PRELID2: variants seen among roughly 807,000 people sequenced by gnomAD.
The protein encoded by PRELID2 is PRELI domain containing 2, also known as PRELI domain-containing protein 2.
A neutral mutation model predicts 28.4 loss-of-function variants in PRELID2; 25 were observed. That is an observed-to-expected ratio of 0.88 (90% CI 0.64 to 1.23). PRELID2 has a LOEUF of 1.23. Among genes scored for constraint, PRELID2 ranks in the 50% most tolerant of loss-of-function variants. The probability of loss-of-function intolerance (pLI) is 0.00; values close to 1 mark genes in which losing one functional copy is unlikely to be tolerated. For synonymous variants in PRELID2, 76 were observed against 71.6 expected, an observed-to-expected ratio of 1.06 and a Z score of -0.31; for missense variants, 201 against 214.4, an observed-to-expected ratio of 0.94 and a Z score of 0.39.
chr5:145,790,110 A>G (rs1413693521), intron 5 of PRELID2, among the ~76,000 whole-genome samples: 1 of 152,218 alleles, frequency 6.6e-6, no homozygotes, highest in Non-Finnish European at 1.5e-5. Context: ...AACACAAAAT[A>G]GAACTACCAT....
intron 1 of PRELID2, among the ~76,000 whole-genome samples, chr5:145,581,513 TC>T (rs1200214489): frequency 6.6e-6 from 1 of 152,082 alleles, no homozygotes; most frequent in Admixed American, 6.6e-5. Flanking sequence ...ATTCTGTGAC[TC>T]CTTTTTTGCA....
intron 1 of PRELID2, among the ~76,000 whole-genome samples, chr5:145,637,810 CTTTT>C (rs547110066): frequency 1.5e-5 from 2 of 130,732 alleles, no homozygotes; most frequent in Non-Finnish European, 1.6e-5. Context: ...CAAAACCATT[CTTTT>C]TTTTTTTTTT....
At chr5:145,508,073 G>A (rs1752427130) in intron 1 of PRELID2, among the ~76,000 whole-genome samples, 1 of 152,098 alleles carries the variant, frequency 6.6e-6, no homozygotes. Flanking sequence ...AAATTTAGTA[G>A]TTTAATAATG....
At chr5:145,685,626 T>C (rs1755023867) in intron 1 of PRELID2, among the ~76,000 whole-genome samples, 2 of 152,098 alleles carry the variant, frequency 1.3e-5, no homozygotes, top group Non-Finnish European at 2.9e-5. Flanking sequence ...TATAAAACAT[T>C]GTCTATGAGT....
intron 1 of PRELID2, among the ~76,000 whole-genome samples, chr5:145,506,235 G>A (rs1308614533): frequency 1.3e-5 from 2 of 152,114 alleles, no homozygotes; most frequent in East Asian, 3.9e-4. Flanking sequence ...GCTTCCATCA[G>A]AATGGCTTTC....
At chr5:145,391,857 C>T in the PRELID2 span, among the ~76,000 whole-genome samples, 1 of 152,130 alleles carries the variant, frequency 6.6e-6, no homozygotes, top group African/African-American at 2.4e-5. Flanking sequence ...TGCCACCAGT[C>T]TCTTTGCTAA....
intron 1 of PRELID2, among the ~76,000 whole-genome samples, chr5:145,684,924 T>C (rs1364944789): frequency 2.0e-5 from 3 of 152,184 alleles, no homozygotes; most frequent in Non-Finnish European, 2.9e-5. Flanking sequence ...GAAGGAGGCT[T>C]CAAAGTCCAG....
intron 1 of PRELID2, among the ~76,000 whole-genome samples, chr5:145,543,983 G>T (rs1312814396): frequency 5.3e-5 from 8 of 152,050 alleles, no homozygotes; most frequent in Admixed American, 4.6e-4. Flanking sequence ...GTGACAGTGA[G>T]ATCGACTCCA....
At chr5:145,744,166 C>G (rs550355150) in intron 1 of PRELID2, among the ~76,000 whole-genome samples, 1 of 152,214 alleles carries the variant, frequency 6.6e-6, no homozygotes, top group Non-Finnish European at 1.5e-5. Flanking sequence ...AGGGACAGAA[C>G]CCAGATCTCC....
chr5:145,818,085 A>G (rs1168879741), intron 3 of PRELID2, 31 bp from the exon 4 acceptor site: 1 of 1,604,670 alleles, frequency 6.2e-7, no homozygotes, highest in Non-Finnish European at 8.5e-7. Context: ...GGCTTTTTCA[A>G]TTTAGGAAGA....
chr5:145,504,237 C>T (rs1299096184), intron 1 of PRELID2, among the ~76,000 whole-genome samples: 1 of 152,180 alleles, frequency 6.6e-6, no homozygotes, highest in Non-Finnish European at 1.5e-5. Context: ...CTTAACCTCA[C>T]CAAACCCCAG....
In PRELID2 at chr5:145,729,713, G is replaced by T. The variant is rs367956392; in HGVS notation, n.70+35218C>A. 4.6e-4 allele frequency among the ~76,000 whole-genome samples: 70 copies of T among 152,258 alleles called. 1 individual carries two copies. The East Asian group carries it at 5.6e-3, about 12-fold the overall frequency. ...ACATGCTCTAGCATTCCTTCACCGG[G>T]GTCTTTCTTGCCCCATGTTGGGCAG... On this transcript the variant is annotated intron_variant and non_coding_transcript_variant, in intron 1 of 2. Coordinates refer to the PRELID2 transcript ENST00000510259.
the PRELID2 span, among the ~76,000 whole-genome samples, chr5:145,404,126 T>A: frequency 6.6e-6 from 1 of 152,200 alleles, no homozygotes; most frequent in African/African-American, 2.4e-5. Flanking sequence ...CAGGATAAAT[T>A]AAGCGTAACA....
chr5:145,458,456 T>A, the PRELID2 span, among the ~76,000 whole-genome samples: 1 of 152,200 alleles, frequency 6.6e-6, no homozygotes, highest in Non-Finnish European at 1.5e-5. Context: ...AATTTCGTTA[T>A]AATACTTAGT....
the PRELID2 span, among the ~76,000 whole-genome samples, chr5:145,390,516 G>C: frequency 3.3e-5 from 5 of 152,082 alleles, no homozygotes; most frequent in Admixed American, 1.3e-4. Flanking sequence ...AACAGCATAA[G>C]GGTAACTGCC....
intron 1 of PRELID2, among the ~76,000 whole-genome samples, chr5:145,741,995 T>TTATC (rs536529261): frequency 1.9e-5 from 1 of 53,550 alleles, no homozygotes; most frequent in Admixed American, 2.7e-4. Flanking sequence ...ATAAATTTAT[T>TTATC]ATAAATAATA....
the PRELID2 span, among the ~76,000 whole-genome samples, chr5:145,361,561 G>A: frequency 6.6e-6 from 1 of 152,100 alleles, no homozygotes; most frequent in African/African-American, 2.4e-5. Flanking sequence ...GGTATGTAAA[G>A]GGCCACAAAA....
rs1315631607 is a variant in PRELID2 at position 145,600,434 on chromosome 5, A to AAAAAAATATAT, written n.71-127120_71-127119insATATATTTTTT. 5.6e-4 allele frequency among the ~76,000 whole-genome samples: 67 copies of AAAAAAATATAT among 120,084 alleles called. 1 individual carries two copies. Among genetic ancestry groups the AAAAAAATATAT allele is most frequent in the African/African-American group, 2.6e-3 (64 of 24,536 alleles). 78.8% of individuals were successfully genotyped at this position (120,084 alleles called of 152,430 possible). A position where few individuals can be genotyped will look rare whatever the true frequency, so the allele number is the denominator to read the frequency against. ...TCTCAGGGGGGGAAAAAAAAAAAAA[A>AAAAAAATATAT]ATATATATATATATATATATGTATC... On this transcript the variant is annotated intron_variant and non_coding_transcript_variant, in intron 1 of 2. Transcript: ENST00000510259.
Position 145,587,090 on chromosome 5 carries a change from C to T in PRELID2, n.71-113775G>A, listed in dbSNP as rs149912502. On this transcript the variant is annotated intron_variant and non_coding_transcript_variant, in intron 1 of 2. Coordinates refer to the PRELID2 transcript ENST00000510259. The stretch of plus-strand genomic sequence containing the variant: ...GTTGTGAATGACTGCTGAATTATTA[C>T]CCACAACTGGGTAATTGTGGCCAAT... Among the ~76,000 whole-genome samples, 707 of 152,182 alleles carry T rather than the reference C, an allele frequency of 4.6e-3. 6 individuals are homozygous for T. The highest frequency in any genetic ancestry group is 6.2e-3 in the South Asian group (30 of 4,822).
Sources: allele counts gnomAD v4.1 joint callset (sites outside exome capture counted in the v4.1 genomes callset), GRCh38; gene constraint gnomAD v4.1.1; transcripts MANE v1.5; gene names NCBI Gene and HGNC (gene_info 2026-07-23, HGNC 2026-07-21).